CIMAP1D: variants seen among roughly 807,000 people sequenced by gnomAD.
CIMAP1D encodes the protein protein CIMAP1D.
the CIMAP1D span, among the ~76,000 whole-genome samples, chr19:483,884 C>T: frequency 3.3e-5 from 5 of 152,212 alleles, no homozygotes; most frequent in Admixed American, 6.5e-5. Flanking sequence ...AGCCAGGCCC[C>T]GCTTTGCCTC....
At chr19:464,776 C>A in the CIMAP1D span, among the ~76,000 whole-genome samples, 1 of 152,186 alleles carries the variant, frequency 6.6e-6, no homozygotes, top group Non-Finnish European at 1.5e-5. Context: ...TTTACTCCAA[C>A]TCTCCAGCAG....
chr19:475,976 C>G, the CIMAP1D span, among the ~76,000 whole-genome samples: 1 of 141,376 alleles, frequency 7.1e-6, no homozygotes, highest in East Asian at 2.0e-4. Flanking sequence ...GGTTTCACCA[C>G]GCCTGGCTAA....
the CIMAP1D span, among the ~76,000 whole-genome samples, chr19:479,939 T>A: frequency 2.6e-5 from 4 of 152,378 alleles, no homozygotes; most frequent in East Asian, 7.7e-4. Flanking sequence ...CCTTTGTTTC[T>A]TGTTATCATT....
the CIMAP1D span, among the ~76,000 whole-genome samples, chr19:468,442 G>A: frequency 1.3e-5 from 2 of 152,132 alleles, no homozygotes; most frequent in African/African-American, 4.8e-5. Context: ...TTGCTGGCAG[G>A]TCGCATGCTT....
chr19:469,890 C>T, the CIMAP1D span, among the ~76,000 whole-genome samples: 1 of 152,074 alleles, frequency 6.6e-6, no homozygotes, highest in East Asian at 1.9e-4. Context: ...TTTCTTCTGC[C>T]CTCCCCAACC....
the CIMAP1D span, chr19:463,514 A>T: frequency 2.5e-6 from 1 of 399,412 alleles, no homozygotes; most frequent in Non-Finnish European, 4.5e-6. Flanking sequence ...CTGGACGCCG[A>T]GTTCTGGGAC....
chr19:468,699 T>C, the CIMAP1D span, among the ~76,000 whole-genome samples: 2 of 152,212 alleles, frequency 1.3e-5, no homozygotes, highest in Non-Finnish European at 2.9e-5. Context: ...GGCACCTGTG[T>C]GTAGCAGCGT....
chr19:472,732 G>T, the CIMAP1D span: 1 of 515,650 alleles, frequency 1.9e-6, no homozygotes, highest in Non-Finnish European at 3.4e-6. Context: ...CCTCACCCTG[G>T]GGCACAGACA....
At chr19:470,538 G>A in the CIMAP1D span, among the ~76,000 whole-genome samples, 2 of 152,258 alleles carry the variant, frequency 1.3e-5, no homozygotes, top group Middle Eastern at 3.4e-3. Context: ...AGCCAGTCCT[G>A]GGGACAGGGG....
the CIMAP1D span, among the ~76,000 whole-genome samples, chr19:467,262 TGGTG>T: frequency 6.6e-6 from 1 of 151,346 alleles, no homozygotes; most frequent in African/African-American, 2.4e-5. Context: ...GATGGATAGA[TGGTG>T]GGTGAGTGGG....
chr19:472,901 C>T, the CIMAP1D span, among the ~76,000 whole-genome samples: 2 of 125,782 alleles, frequency 1.6e-5, no homozygotes, highest in African/African-American at 2.9e-5. Context: ...CAGAGATACA[C>T]GGTCACAGAT....
At chr19:488,909 G>A in the CIMAP1D span, among the ~76,000 whole-genome samples, 1 of 152,102 alleles carries the variant, frequency 6.6e-6, no homozygotes, top group Non-Finnish European at 1.5e-5. Context: ...CCCCGCAGTG[G>A]GAACGCGAGG....
the CIMAP1D span, among the ~76,000 whole-genome samples, chr19:484,476 G>A: frequency 6.6e-6 from 1 of 152,190 alleles, no homozygotes; most frequent in Non-Finnish European, 1.5e-5. Flanking sequence ...CTCATTCTGT[G>A]CTCAGGCTGG....
chr19:490,175 G>A, the CIMAP1D span: 4 of 349,652 alleles, frequency 1.1e-5, no homozygotes, highest in Non-Finnish European at 2.0e-5. Context: ...GGCCAACATG[G>A]CAAAACCTCG....
the CIMAP1D span, among the ~76,000 whole-genome samples, chr19:484,273 TG>T: frequency 5.9e-5 from 9 of 151,894 alleles, no homozygotes; most frequent in Non-Finnish European, 1.2e-4. Flanking sequence ...CCTGAGTAGC[TG>T]GGATTACAGG....
the CIMAP1D span, among the ~76,000 whole-genome samples, chr19:491,448 A>T: frequency 2.6e-5 from 4 of 152,070 alleles, no homozygotes; most frequent in African/African-American, 9.7e-5. Flanking sequence ...GACCCTCGGG[A>T]GAGGCCTGTG....
At chr19:472,394 C>A in the CIMAP1D span, 2 of 1,529,526 alleles carry the variant, frequency 1.3e-6, no homozygotes, top group African/African-American at 1.4e-5. Flanking sequence ...CCCGCCTTAC[C>A]CTCACTGGGC....
the CIMAP1D span, among the ~76,000 whole-genome samples, chr19:482,152 C>A: frequency 1.4e-4 from 21 of 152,148 alleles, no homozygotes; most frequent in African/African-American, 5.1e-4. Flanking sequence ...TTTTATTAAC[C>A]CCCATATCCA....
chr19:472,456 A>T, the CIMAP1D span: 8 of 1,547,690 alleles, frequency 5.2e-6, no homozygotes, highest in Non-Finnish European at 7.0e-6. Flanking sequence ...GTCGTGGTTG[A>T]TGAAGCCCAC....
Sources: gnomAD v4.1 joint callset for allele counts (sites outside exome capture counted in the v4.1 genomes callset) on GRCh38, gnomAD v4.1.1 for gene constraint, MANE v1.5 for transcripts, NCBI Gene and HGNC (gene_info 2026-07-23, HGNC 2026-07-21) for gene names.